CDK12: variants seen among roughly 807,000 people sequenced by gnomAD.
The protein encoded by CDK12 is cyclin-dependent kinase 12.
A neutral mutation model predicts 133.8 loss-of-function variants in CDK12; 17 were observed. The observed-to-expected ratio is 0.13, with a 90% CI of 0.09 to 0.19. The LOEUF (loss-of-function observed/expected upper bound fraction) is 0.19, where lower values mean the gene tolerates loss of function less well. Among genes scored for constraint, CDK12 ranks in the 10% least tolerant of loss-of-function variants. The probability of loss-of-function intolerance (pLI) is 1.00; values close to 1 mark genes in which losing one functional copy is unlikely to be tolerated. For synonymous variants in CDK12, 694 were observed against 683.6 expected (o/e 1.02, Z -0.24); for missense variants, 1,508 against 1,818.7 (o/e 0.83, Z 3.11).
chr17:39,503,251 T>C (rs913009690), intron 6 of CDK12, among the ~76,000 whole-genome samples: 9 of 152,164 alleles, frequency 5.9e-5, no homozygotes, highest in Non-Finnish European at 1.3e-4. Flanking sequence ...TTTTCTATTT[T>C]TAGTAGAGAC....
At chr17:39,525,277 A>G (rs1411138978) in intron 12 of CDK12, among the ~76,000 whole-genome samples, 3 of 152,188 alleles carry the variant, frequency 2.0e-5, no homozygotes, top group African/African-American at 4.8e-5. Flanking sequence ...TTAAATTACA[A>G]TTGCTAAATG....
Position 39,524,745 on chromosome 17 carries a change from T to C in CDK12, c.3167T>C (p.Val1056Ala). 2.5e-6 allele frequency: 4 copies of C among 1,614,218 alleles called. No individual in the cohort carries two copies. The highest frequency in any genetic ancestry group is 3.4e-6 in the Non-Finnish European group (4 of 1,180,042). The change falls in exon 12 of 14, where the codon GTA (valine) becomes GCA (alanine). Residue 1056 changes from valine to alanine, a missense_variant. Physicochemically the swap from Val to Ala is moderately conservative, Grantham distance 64. Transcript: ENST00000447079. ...CGACGTCAGCGACAAAGTGGTGTTG[T>C]AGTCGAAGAGCCACCTCCATCCAAA... ...KRRRQRQSGV[V>A]VEEPPPSKTS...
intron 13 of CDK12, among the ~76,000 whole-genome samples, chr17:39,528,606 AT>A (rs2054632664): frequency 6.6e-6 from 1 of 152,228 alleles, no homozygotes; most frequent in South Asian, 2.1e-4. Context: ...AAGTACTGGG[AT>A]TACAGGCATG....
chr17:39,498,905 T>G (rs1280467420), intron 5 of CDK12, among the ~76,000 whole-genome samples: 2 of 2 alleles, frequency 1, 1 homozygote, highest in African/African-American at 1. Context: ...CTTTCTTTCT[T>G]TCTTTCTTTC....
At chr17:39,544,051 TTA>T (rs1184841799), upstream of CDK12, 2 of 291,136 alleles carry the variant, frequency 6.9e-6, no homozygotes, top group African/African-American at 4.3e-5. Flanking sequence ...TTTAGAACAG[TTA>T]TGACTCTCTC....
intron 10 of CDK12, among the ~76,000 whole-genome samples, chr17:39,519,111 C>T (rs1323240449): frequency 6.6e-6 from 1 of 151,880 alleles, no homozygotes; most frequent in Non-Finnish European, 1.5e-5. Context: ...CCATGTTAGC[C>T]AGGCTGGTCT....
intron 2 of CDK12, 76 bp downstream of exon 2, chr17:39,471,839 A>G (rs1441156412): frequency 2.4e-6 from 3 of 1,249,706 alleles, no homozygotes; most frequent in Non-Finnish European, 3.4e-6. Flanking sequence ...CTTTGTCAAC[A>G]CTACCCTCAT....
intron 3 of CDK12, among the ~76,000 whole-genome samples, chr17:39,492,260 C>T (rs1415676994): frequency 2.0e-5 from 3 of 150,922 alleles, no homozygotes; most frequent in Non-Finnish European, 4.4e-5. Flanking sequence ...CCACGCCCGG[C>T]TAATTTTTTG....
At chr17:39,563,482 A>C (rs1341759539) in intron 3 of CDK12, among the ~76,000 whole-genome samples, 1 of 51,506 alleles carries the variant, frequency 1.9e-5, no homozygotes, top group Non-Finnish European at 3.5e-5. Flanking sequence ...CCGCCCCCAT[A>C]TCTCTCTAGG....
intron 7 of CDK12, among the ~76,000 whole-genome samples, chr17:39,510,379 A>G (rs557995926): frequency 3.2e-4 from 48 of 152,116 alleles, no homozygotes; most frequent in Admixed American, 1.2e-3. Flanking sequence ...TCAGCTTCTC[A>G]GAGTGCTGGG....
At chr17:39,480,863 G>A (rs778669878) in intron 2 of CDK12, among the ~76,000 whole-genome samples, 40 of 152,192 alleles carry the variant, frequency 2.6e-4, no homozygotes, top group Non-Finnish European at 5.7e-4. Context: ...CAAGAAGCAA[G>A]GCAGCCCACG....
chr17:39,473,501 G>C (rs917358664), intron 2 of CDK12, among the ~76,000 whole-genome samples: 1 of 152,106 alleles, frequency 6.6e-6, no homozygotes. Flanking sequence ...CAGCACTCTG[G>C]AAAGCCGAGG....
intron 6 of CDK12, among the ~76,000 whole-genome samples, chr17:39,508,159 G>T (rs1051180790): frequency 3.3e-5 from 5 of 152,116 alleles, no homozygotes; most frequent in African/African-American, 1.2e-4. Flanking sequence ...TCCTTTGAGT[G>T]TCATGTTGGC....
intron 12 of CDK12, among the ~76,000 whole-genome samples, chr17:39,525,570 G>A (rs2054447079): frequency 6.6e-6 from 1 of 152,118 alleles, no homozygotes; most frequent in Non-Finnish European, 1.5e-5. Context: ...ATCTCTCTTA[G>A]TAATTCTGAT....
intron 5 of CDK12, among the ~76,000 whole-genome samples, chr17:39,496,809 T>C (rs913178705): frequency 1.2e-4 from 19 of 152,156 alleles, no homozygotes; most frequent in African/African-American, 4.6e-4. Flanking sequence ...ACAGAGTTAT[T>C]TGGTCAAATG....
intron 2 of CDK12, among the ~76,000 whole-genome samples, chr17:39,475,368 G>A (rs1219805934): frequency 1.3e-5 from 2 of 151,966 alleles, no homozygotes; most frequent in African/African-American, 2.4e-5. Context: ...AGCTACTTGG[G>A]AGGCTGAGGC....
chr17:39,509,769 A>G lies in CDK12; in HGVS notation c.2666+8A>G. On this transcript the variant is annotated splice_region_variant and intron_variant, in intron 7 of 13. Coordinates refer to ENST00000447079, the MANE Select transcript of CDK12 (RefSeq NM_016507.4). ...CTATAACTCTGAAGAGAGGTAAGGC[A>G]TTAATTAAAATTACATGTGGGAAAT... The G allele has an allele frequency of 1.3e-6, 2 of 1,588,568 alleles. No homozygotes were observed. The highest frequency in any genetic ancestry group is 1.7e-6 in the Non-Finnish European group (2 of 1,157,174).
At chr17:39,555,016 G>A (rs1302528823) in intron 2 of CDK12, among the ~76,000 whole-genome samples, 1 of 152,088 alleles carries the variant, frequency 6.6e-6, no homozygotes, top group Non-Finnish European at 1.5e-5. Context: ...TTGGGAGGCC[G>A]ACGCAGGCGG....
At chr17:39,537,723 C>T (rs1042215243), downstream of CDK12, among the ~76,000 whole-genome samples, 43 of 151,794 alleles carry the variant, frequency 2.8e-4, 1 homozygote, top group Non-Finnish European at 4.4e-5. Flanking sequence ...CCACCATGCC[C>T]AGCTAATTTT....
Sources: allele counts gnomAD v4.1 joint callset (sites outside exome capture counted in the v4.1 genomes callset), GRCh38; gene constraint gnomAD v4.1.1; transcripts MANE v1.5; gene names NCBI Gene and HGNC (gene_info 2026-07-23, HGNC 2026-07-21).